The following NKAIN2 variants were observed in gnomAD, a reference collection of about 807,000 sequenced individuals.
The protein encoded by NKAIN2 is sodium/potassium transporting ATPase interacting 2, also known as sodium/potassium-transporting ATPase subunit beta-1-interacting protein 2.
In NKAIN2, 14 loss-of-function variants were observed where a neutral mutation model predicts 32.6. The observed-to-expected ratio is 0.43, with a 90% confidence interval of 0.28 to 0.67. The LOEUF (loss-of-function observed/expected upper bound fraction) is 0.67. NKAIN2 is among the 30% of genes least tolerant of loss of function. The pLI is 0.17. For synonymous variants in NKAIN2, 80 were observed against 87.2 expected (o/e 0.92, Z 0.46); for missense variants, 198 against 258.3 (o/e 0.77, Z 1.60).
chr6:124,663,316 C>T (rs539170489), intron 4 of NKAIN2, among the ~76,000 whole-genome samples: 226 of 151,768 alleles, frequency 1.5e-3, no homozygotes, highest in African/African-American at 4.9e-3. Context: ...CTGTAATCCC[C>T]GCTACTCAGG....
At chr6:123,899,197 C>T (rs73773003) in intron 1 of NKAIN2, among the ~76,000 whole-genome samples, 8,939 of 152,276 alleles carry the variant, frequency 0.059, 833 homozygotes, top group African/African-American at 0.2. Flanking sequence ...AGATCCATGA[C>T]TACTGAGTTG....
chr6:124,706,919 C>A (rs546109217), intron 4 of NKAIN2, among the ~76,000 whole-genome samples: 83 of 151,974 alleles, frequency 5.5e-4, no homozygotes, highest in African/African-American at 1.9e-3. Context: ...TATACATGTG[C>A]CATGCTGGTG....
At chr6:124,775,774 C>A (rs957897233) in intron 4 of NKAIN2, among the ~76,000 whole-genome samples, 1 of 152,168 alleles carries the variant, frequency 6.6e-6, no homozygotes, top group African/African-American at 2.4e-5. Context: ...AACCATCAGT[C>A]AGGGTTACTG....
intron 1 of NKAIN2, among the ~76,000 whole-genome samples, chr6:123,994,652 T>C (rs1779544404): frequency 6.6e-6 from 1 of 152,136 alleles, no homozygotes; most frequent in African/African-American, 2.4e-5. Flanking sequence ...CCAAGTCAGC[T>C]CCAGGTGGCT....
intron 1 of NKAIN2, among the ~76,000 whole-genome samples, chr6:124,244,333 A>G (rs1227708283): frequency 6.8e-6 from 1 of 147,426 alleles, no homozygotes; most frequent in Middle Eastern, 3.6e-3. Context: ...GAGTGAGAAT[A>G]TGCATTGTTT....
At chr6:124,230,827 G>A (rs1243758259) in intron 1 of NKAIN2, among the ~76,000 whole-genome samples, 2 of 152,228 alleles carry the variant, frequency 1.3e-5, no homozygotes, top group Non-Finnish European at 2.9e-5. Context: ...GGCTCTCATG[G>A]AGAACCTGTT....
At chr6:124,502,573 C>T (rs188973563) in intron 3 of NKAIN2, among the ~76,000 whole-genome samples, 232 of 152,192 alleles carry the variant, frequency 1.5e-3, no homozygotes, top group Non-Finnish European at 2.5e-3. Flanking sequence ...TGTGTGTAGA[C>T]TTTATTTACT....
chr6:124,180,411 C>T (rs1789385490), intron 1 of NKAIN2, among the ~76,000 whole-genome samples: 1 of 152,006 alleles, frequency 6.6e-6, no homozygotes, highest in Admixed American at 6.6e-5. Flanking sequence ...TTATTCACTA[C>T]CATGAGAACA....
chr6:124,574,140 A>C (rs1309264687), intron 3 of NKAIN2, among the ~76,000 whole-genome samples: 1 of 152,212 alleles, frequency 6.6e-6, no homozygotes, highest in Non-Finnish European at 1.5e-5. Context: ...AGGCAGCTGC[A>C]GGGCAACTGT....
chr6:124,099,422 G>T (rs1554254621), intron 1 of NKAIN2, among the ~76,000 whole-genome samples: 1 of 152,146 alleles, frequency 6.6e-6, no homozygotes, highest in Non-Finnish European at 1.5e-5. Context: ...TCACAAAATT[G>T]CTGTCTATCT....
intron 1 of NKAIN2, among the ~76,000 whole-genome samples, chr6:124,134,535 T>A (rs1041320380): frequency 1.3e-5 from 2 of 152,010 alleles, no homozygotes; most frequent in African/African-American, 4.8e-5. Context: ...AATACAAAAA[T>A]TAGCTGGGCA....
intron 1 of NKAIN2, among the ~76,000 whole-genome samples, chr6:124,001,800 A>AATATATATATATATATAT (rs10567719): frequency 6.0e-4 from 81 of 135,102 alleles, no homozygotes; most frequent in African/African-American, 1.0e-3. Context: ...CTTAGTTCTA[A>AATATATATATATATATAT]ATATATATAT....
intron 4 of NKAIN2, among the ~76,000 whole-genome samples, chr6:124,678,530 G>A (rs1457510942): frequency 6.6e-6 from 1 of 151,892 alleles, no homozygotes; most frequent in Non-Finnish European, 1.5e-5. Context: ...TTTCAATTCA[G>A]TTATTATATG....
intron 1 of NKAIN2, among the ~76,000 whole-genome samples, chr6:124,043,536 A>G (rs1458382281): frequency 2.6e-5 from 4 of 152,088 alleles, no homozygotes; most frequent in Admixed American, 2.0e-4. Flanking sequence ...ATATAAACTC[A>G]CAATAAACAA....
intron 2 of NKAIN2, among the ~76,000 whole-genome samples, chr6:124,345,607 C>A (rs577955580): frequency 6.6e-5 from 10 of 151,732 alleles, no homozygotes; most frequent in Non-Finnish European, 1.3e-4. Context: ...TCTAGATTTT[C>A]TAGTTTATTT....
chr6:124,195,342 A>G (rs1484830806), intron 1 of NKAIN2, among the ~76,000 whole-genome samples: 1 of 149,134 alleles, frequency 6.7e-6, no homozygotes, highest in African/African-American at 2.5e-5. Flanking sequence ...TCTTAAAACT[A>G]GTTAACTCAA....
chr6:124,271,615 G>A (rs1205276275), intron 1 of NKAIN2, among the ~76,000 whole-genome samples: 1 of 152,200 alleles, frequency 6.6e-6, no homozygotes, highest in African/African-American at 2.4e-5. Flanking sequence ...AGAATACGAA[G>A]CTGCTATAAA....
At chr6:123,938,488 A>AATATATATTTATATATAATATATT (rs1776652472) in intron 1 of NKAIN2, among the ~76,000 whole-genome samples, 3 of 134,152 alleles carry the variant, frequency 2.2e-5, no homozygotes, top group African/African-American at 5.5e-5. Context: ...CATAATATAT[A>AATATATATTTATATATAATATATT]ATATATATTT....
At position 124,175,011 on chromosome 6, in the gene NKAIN2, C is replaced by T. The variant is rs549472395; in HGVS notation, c.55-107994C>T. Among the ~76,000 whole-genome samples the T allele has an allele frequency of 6.6e-5, 10 of 152,268 alleles. 1 individual carries two copies. In the South Asian group the frequency reaches 2.1e-3, roughly 32 times the overall value. The stretch of plus-strand genomic sequence containing the variant: ...AATTCACAGAATGATTCTCCTTTTA[C>T]TTTGTGAATACCTGTATCTACCTTA... On this transcript the variant is annotated intron_variant, in intron 1 of 6. Transcript: ENST00000368417.
Sources: allele counts gnomAD v4.1 joint callset (sites outside exome capture counted in the v4.1 genomes callset), GRCh38; gene constraint gnomAD v4.1.1; transcripts MANE v1.5; gene names NCBI Gene and HGNC (gene_info 2026-07-23, HGNC 2026-07-21).